Variants in NAALADL2 observed in about 807,000 individuals in gnomAD.
NAALADL2 encodes N-acetylated alpha-linked acidic dipeptidase like 2.
A neutral mutation model predicts 87.2 loss-of-function variants in NAALADL2; 76 were observed. The ratio of observed to expected loss-of-function variants is 0.87; its 90% CI spans 0.72 to 1.05. The LOEUF is 1.05. NAALADL2 is among the 50% of genes least tolerant of loss of function. The pLI is 0.00. For synonymous variants in NAALADL2, 354 were observed against 331.0 expected (o/e 1.07, Z -0.75); for missense variants, 1,089 against 945.8 (o/e 1.15, Z -1.99).
intron 3 of NAALADL2, among the ~76,000 whole-genome samples, chr3:174,739,339 T>G (rs2109005139): frequency 6.6e-6 from 1 of 152,250 alleles, no homozygotes; most frequent in South Asian, 2.1e-4. Context: ...TCTAATGTTT[T>G]GGCTCAGTTT....
intron 11 of NAALADL2, among the ~76,000 whole-genome samples, chr3:175,673,363 A>G (rs1734269967): frequency 6.6e-6 from 1 of 152,132 alleles, no homozygotes; most frequent in Admixed American, 6.5e-5. Flanking sequence ...ATATAATATT[A>G]TTCATGTAAA....
At chr3:175,622,072 A>G in intron 10 of NAALADL2, among the ~76,000 whole-genome samples, 1 of 152,318 alleles carries the variant, frequency 6.6e-6, no homozygotes, top group East Asian at 1.9e-4. Context: ...AAGGATAACA[A>G]TATTATGTAT....
intron 1 of NAALADL2, among the ~76,000 whole-genome samples, chr3:174,984,884 A>C (rs976325276): frequency 2.0e-5 from 3 of 150,686 alleles, no homozygotes; most frequent in Admixed American, 6.6e-5. Context: ...TGGAAGAAGA[A>C]ATCTTTTTGC....
chr3:175,314,894 A>C (rs1030328275), intron 4 of NAALADL2, among the ~76,000 whole-genome samples: 3 of 151,352 alleles, frequency 2.0e-5, no homozygotes, highest in Admixed American at 6.6e-5. Context: ...ACAACAATAG[A>C]AATATTATTT....
Position 175,278,409 on chromosome 3 carries a change from A to G in NAALADL2, c.939+21879A>G, listed in dbSNP as rs570952522. ...ATTTTCCACTCTAAAACTGCTTCCT[A>G]TTTGTTCACTGAGTACCTGCGTCTA... On this transcript the variant is annotated intron_variant, in intron 4 of 13. Coordinates refer to ENST00000454872, the MANE Select transcript of NAALADL2 (RefSeq NM_207015.3). Among the ~76,000 whole-genome samples the G allele has an allele frequency of 2.0e-5, 3 of 152,208 alleles. No individual in the cohort carries two copies. In the South Asian group the frequency reaches 6.2e-4, roughly 32 times the overall value.
At chr3:174,697,406 T>G (rs2108870833) in intron 2 of NAALADL2, among the ~76,000 whole-genome samples, 1 of 152,318 alleles carries the variant, frequency 6.6e-6, no homozygotes, top group Non-Finnish European at 1.5e-5. Context: ...AAGTGTAATA[T>G]CCCTTAGAAG....
chr3:174,498,883 A>ATC (rs1718713813), intron 1 of NAALADL2, among the ~76,000 whole-genome samples: 1 of 151,992 alleles, frequency 6.6e-6, no homozygotes, highest in Non-Finnish European at 1.5e-5. Context: ...ATCTGTTTAC[A>ATC]ATTGTCCACC....
chr3:175,568,512 A>G (rs1466734984), intron 9 of NAALADL2, among the ~76,000 whole-genome samples: 1 of 152,202 alleles, frequency 6.6e-6, no homozygotes, highest in Non-Finnish European at 1.5e-5. Flanking sequence ...TGGATATATC[A>G]ATATAGTACA....
chr3:175,599,266 T>C (rs909643683), intron 10 of NAALADL2, among the ~76,000 whole-genome samples: 2 of 152,120 alleles, frequency 1.3e-5, no homozygotes, highest in African/African-American at 4.8e-5. Context: ...ATTAATTCCA[T>C]AGTCCCAATA....
At chr3:174,628,408 C>T (rs1379994268) in intron 2 of NAALADL2, among the ~76,000 whole-genome samples, 2 of 132,026 alleles carry the variant, frequency 1.5e-5, no homozygotes, top group African/African-American at 5.8e-5. Context: ...ACCCTGGAGG[C>T]GGAGGTTGCA....
chr3:175,654,857 ATAGGCCCC>A (rs1731235956), intron 11 of NAALADL2, among the ~76,000 whole-genome samples: 1 of 152,122 alleles, frequency 6.6e-6, no homozygotes, highest in Non-Finnish European at 1.5e-5. Context: ...GAACCTGTGT[ATAGGCCCC>A]TTTGTGTTAT....
intron 2 of NAALADL2, among the ~76,000 whole-genome samples, chr3:175,204,117 C>G (rs1269070247): frequency 6.6e-6 from 1 of 152,076 alleles, no homozygotes; most frequent in Non-Finnish European, 1.5e-5. Context: ...CACCCTAATA[C>G]CAAAACCAGG....
intron 3 of NAALADL2, among the ~76,000 whole-genome samples, chr3:175,246,855 G>T (rs899441251): frequency 2.0e-5 from 3 of 152,182 alleles, no homozygotes; most frequent in Middle Eastern, 3.4e-3. Flanking sequence ...GGAAAAGCAA[G>T]AGAAAAGATA....
At chr3:175,445,262 TTG>T (rs1274654744) in intron 5 of NAALADL2, among the ~76,000 whole-genome samples, 2 of 152,236 alleles carry the variant, frequency 1.3e-5, no homozygotes, top group African/African-American at 4.8e-5. Context: ...TTTTTTGTAC[TTG>T]TGTTATTATA....
intron 11 of NAALADL2, among the ~76,000 whole-genome samples, chr3:175,670,151 G>A (rs893917188): frequency 2.6e-5 from 4 of 151,780 alleles, no homozygotes; most frequent in African/African-American, 9.7e-5. Flanking sequence ...AACCTGAAAG[G>A]TAACTTGCCC....
chr3:174,543,606 C>T (rs1021296496), intron 1 of NAALADL2, among the ~76,000 whole-genome samples: 3 of 151,984 alleles, frequency 2.0e-5, no homozygotes, highest in Non-Finnish European at 4.4e-5. Flanking sequence ...CCCACTCTTT[C>T]CTACCTTCCC....
chr3:174,947,859 AGC>A, intron 1 of NAALADL2, among the ~76,000 whole-genome samples: 1 of 152,210 alleles, frequency 6.6e-6, no homozygotes, highest in Admixed American at 6.5e-5. Flanking sequence ...ACTTGCACTG[AGC>A]TTTATTTTCT....
intron 11 of NAALADL2, among the ~76,000 whole-genome samples, chr3:175,691,707 C>T (rs1202665465): frequency 6.6e-6 from 1 of 151,882 alleles, no homozygotes; most frequent in Non-Finnish European, 1.5e-5. Context: ...TTAGTATATC[C>T]ACATTAAAAA....
At chr3:175,257,329 C>G (rs1453185431) in intron 4 of NAALADL2, 1 of 151,662 alleles carries the variant, frequency 6.6e-6, no homozygotes, top group Non-Finnish European at 1.5e-5. Flanking sequence ...CCAGGAATCT[C>G]TTGGCACACT....
Sources: gnomAD v4.1 joint callset for allele counts (sites outside exome capture counted in the v4.1 genomes callset) on GRCh38, gnomAD v4.1.1 for gene constraint, MANE v1.5 for transcripts, NCBI Gene and HGNC (gene_info 2026-07-23, HGNC 2026-07-21) for gene names.